PDE3B: variants seen among roughly 807,000 people sequenced by gnomAD.
PDE3B encodes the protein phosphodiesterase 3B, also known as cGMP-inhibited 3',5'-cyclic phosphodiesterase 3B.
A neutral mutation model predicts 116.8 loss-of-function variants in PDE3B; 66 were observed. The observed-to-expected ratio is 0.56, with a 90% CI of 0.46 to 0.69. The LOEUF (loss-of-function observed/expected upper bound fraction) is 0.69, where lower values mean the gene tolerates loss of function less well. Among genes scored for constraint, PDE3B ranks in the 30% least tolerant of loss-of-function variants. PDE3B has a pLI of 0.00. For synonymous variants in PDE3B, 595 were observed against 533.6 expected, an observed-to-expected ratio of 1.12 and a Z score of -1.59; for missense variants, 1,384 against 1,368.1, an observed-to-expected ratio of 1.01 and a Z score of -0.18.
intron 1 of PDE3B, among the ~76,000 whole-genome samples, chr11:14,762,846 C>G (rs1187222298): frequency 6.6e-6 from 1 of 152,156 alleles, no homozygotes; most frequent in Admixed American, 6.6e-5. Flanking sequence ...TATTTTTGGC[C>G]TAAGCCAAGG....
intron 1 of PDE3B, among the ~76,000 whole-genome samples, chr11:14,667,354 C>A (rs1243008025): frequency 6.6e-6 from 1 of 151,192 alleles, no homozygotes; most frequent in Non-Finnish European, 1.5e-5. Flanking sequence ...TTAATGAGTG[C>A]AGCACACCAG....
chr11:14,756,451 C>G (rs1410626931), intron 1 of PDE3B, among the ~76,000 whole-genome samples: 1 of 152,124 alleles, frequency 6.6e-6, no homozygotes, highest in Admixed American at 6.5e-5. Context: ...GTGGAGGAAT[C>G]CAACTACTGT....
chr11:14,773,135 A>C (rs1226359380), intron 2 of PDE3B: 1 of 151,986 alleles, frequency 6.6e-6, no homozygotes, highest in Non-Finnish European at 1.5e-5. Flanking sequence ...TTCTAATTCT[A>C]GTTTACTAAG....
intron 1 of PDE3B, among the ~76,000 whole-genome samples, chr11:14,754,605 G>T (rs1263744334): frequency 1.3e-5 from 2 of 151,982 alleles, no homozygotes; most frequent in Non-Finnish European, 2.9e-5. Context: ...ACAACGTTTT[G>T]TTAAATATGC....
At chr11:14,738,121 T>TG (rs1856655624) in intron 1 of PDE3B, among the ~76,000 whole-genome samples, 1 of 152,182 alleles carries the variant, frequency 6.6e-6, no homozygotes, top group Non-Finnish European at 1.5e-5. Context: ...TATAGTCCTT[T>TG]GGGTATATAC....
chr11:14,793,632 G>A (rs1004026626), intron 4 of PDE3B, among the ~76,000 whole-genome samples: 3 of 152,058 alleles, frequency 2.0e-5, no homozygotes, highest in African/African-American at 7.2e-5. Context: ...GGGCTCACAG[G>A]TCACTCTTTT....
At chr11:14,890,820 T>C in the PDE3B span, 11 of 972,306 alleles carry the variant, frequency 1.1e-5, no homozygotes, top group African/African-American at 1.9e-4. Context: ...AGTGCTGGGA[T>C]TATAGGCGTG....
At chr11:14,826,332 G>T (rs1242089893) in intron 7 of PDE3B, among the ~76,000 whole-genome samples, 1 of 152,112 alleles carries the variant, frequency 6.6e-6, no homozygotes, top group African/African-American at 2.4e-5. Flanking sequence ...GAAACCAGGA[G>T]TTGATTTTTT....
intron 1 of PDE3B, among the ~76,000 whole-genome samples, chr11:14,716,271 G>A (rs1218958488): frequency 2.0e-5 from 3 of 152,180 alleles, no homozygotes; most frequent in African/African-American, 4.8e-5. Flanking sequence ...AGGGTGCTAC[G>A]CCCACGGAAT....
chr11:14,754,926 A>G (rs1857146064), intron 1 of PDE3B, among the ~76,000 whole-genome samples: 1 of 152,128 alleles, frequency 6.6e-6, no homozygotes, highest in Non-Finnish European at 1.5e-5. Context: ...TTGGAAGGAC[A>G]ATCTCTGTAA....
chr11:14,738,489 G>A (rs1049982387), intron 1 of PDE3B, among the ~76,000 whole-genome samples: 2 of 152,272 alleles, frequency 1.3e-5, no homozygotes, highest in East Asian at 3.9e-4. Flanking sequence ...ATTTGTTTAA[G>A]TTCTTTGTAG....
At chr11:14,797,916 G>A (rs182925581) in intron 4 of PDE3B, among the ~76,000 whole-genome samples, 3 of 152,076 alleles carry the variant, frequency 2.0e-5, no homozygotes, top group African/African-American at 4.8e-5. Context: ...ATTGAATACC[G>A]CTTATTTCTT....
At chr11:14,710,324 T>G (rs1855666732) in intron 1 of PDE3B, among the ~76,000 whole-genome samples, 1 of 152,190 alleles carries the variant, frequency 6.6e-6, no homozygotes. Flanking sequence ...ATTGCCATTA[T>G]TTTTGGTTTC....
intron 1 of PDE3B, among the ~76,000 whole-genome samples, chr11:14,693,341 T>C (rs996147502): frequency 6.6e-6 from 1 of 152,184 alleles, no homozygotes; most frequent in Non-Finnish European, 1.5e-5. Flanking sequence ...AAACAACAGA[T>C]TTTCAACGTA....
chr11:14,886,027 T>A, the PDE3B span: 1 of 1,055,310 alleles, frequency 9.5e-7, no homozygotes. Flanking sequence ...GTTACGTCCC[T>A]GAAAATATAG....
intron 4 of PDE3B, among the ~76,000 whole-genome samples, chr11:14,803,614 A>G (rs1234870189): frequency 6.6e-6 from 1 of 152,230 alleles, no homozygotes; most frequent in East Asian, 1.9e-4. Context: ...TCTGCAGCCT[A>G]TGGACCTAAT....
chr11:14,837,490 A>C (rs1247824465), intron 11 of PDE3B, among the ~76,000 whole-genome samples: 1 of 152,188 alleles, frequency 6.6e-6, no homozygotes. Flanking sequence ...GCAACACCTA[A>C]TTCAGCCAAA....
At chr11:14,840,077 C>T (rs1437764047) in intron 11 of PDE3B, among the ~76,000 whole-genome samples, 2 of 152,056 alleles carry the variant, frequency 1.3e-5, no homozygotes, top group African/African-American at 2.4e-5. Flanking sequence ...TATGTGCAAC[C>T]CAGAGCAAGA....
rs539823510 is a variant in PDE3B at position 14,852,736 on chromosome 11, G to C, written c.2521-6307G>C. Among the ~76,000 whole-genome samples the C allele has an allele frequency of 5.3e-5, 8 of 152,174 alleles. No homozygotes were observed. In the East Asian group the frequency reaches 1.6e-3, roughly 29 times the overall value. ...GTTCTCAACATGTCAGCCAGAATGTGACCCTGTTTCAGTGTGTTGCATCAC... is the reference window on the plus strand; with the variant it reads ...GTTCTCAACATGTCAGCCAGAATGTCACCCTGTTTCAGTGTGTTGCATCAC... On this transcript the variant is annotated intron_variant, in intron 12 of 15. Transcript: ENST00000282096.
Sources: gnomAD v4.1 joint callset for allele counts (sites outside exome capture counted in the v4.1 genomes callset) on GRCh38, gnomAD v4.1.1 for gene constraint, MANE v1.5 for transcripts, NCBI Gene and HGNC (gene_info 2026-07-23, HGNC 2026-07-21) for gene names.